Variants in TNRC6B observed in about 807,000 individuals in gnomAD.
The protein encoded by TNRC6B is trinucleotide repeat-containing gene 6B protein.
TNRC6B carries 52 observed loss-of-function variants against 203.6 expected under a neutral mutation model. The observed-to-expected ratio is 0.26, with a 90% CI of 0.20 to 0.32. The LOEUF is 0.32. TNRC6B is among the 10% of genes least tolerant of loss of function. The pLI is 1.00. For synonymous variants in TNRC6B, 838 were observed against 845.7 expected, an observed-to-expected ratio of 0.99 and a Z score of 0.16; for missense variants, 1,923 against 2,286.2, an observed-to-expected ratio of 0.84 and a Z score of 3.24.
At chr22:40,151,327 G>T (rs2068750902) in intron 3 of TNRC6B, among the ~76,000 whole-genome samples, 1 of 151,958 alleles carries the variant, frequency 6.6e-6, no homozygotes, top group African/African-American at 2.4e-5. Context: ...TCTTTGGGAG[G>T]CTGAGGCGGG....
intron 3 of TNRC6B, among the ~76,000 whole-genome samples, chr22:40,135,881 A>C (rs1224733744): frequency 2.6e-5 from 4 of 152,188 alleles, no homozygotes; most frequent in Non-Finnish European, 4.4e-5. Flanking sequence ...ACTGGTGTTG[A>C]TGTAGAGAGG....
At chr22:40,184,059 T>C (rs756794939) in intron 1 of TNRC6B, among the ~76,000 whole-genome samples, 3 of 152,222 alleles carry the variant, frequency 2.0e-5, no homozygotes, top group Admixed American at 6.5e-5. Flanking sequence ...ACAATGCTGT[T>C]GAATTAATAT....
chr22:40,167,334 A>G (rs554398924), intron 4 of TNRC6B, among the ~76,000 whole-genome samples: 1 of 152,290 alleles, frequency 6.6e-6, no homozygotes, highest in East Asian at 1.9e-4. Flanking sequence ...GGAAGGACAG[A>G]TACTATTAAT....
chr22:40,064,882 G>T (rs2067883109), intron 1 of TNRC6B, among the ~76,000 whole-genome samples: 2 of 152,042 alleles, frequency 1.3e-5, no homozygotes, highest in South Asian at 4.1e-4. Flanking sequence ...CTTCCAAAGT[G>T]CTGGGATTAC....
chr22:40,298,622 G>GT (rs1261382722), intron 12 of TNRC6B, among the ~76,000 whole-genome samples: 1 of 152,250 alleles, frequency 6.6e-6, no homozygotes, highest in Non-Finnish European at 1.5e-5. Flanking sequence ...GATCAGGAAA[G>GT]TAAGGGTCAG....
At chr22:40,046,857 G>A (rs1307519327) in intron 1 of TNRC6B, among the ~76,000 whole-genome samples, 3 of 152,010 alleles carry the variant, frequency 2.0e-5, no homozygotes, top group Non-Finnish European at 4.4e-5. Context: ...ATGTTAGCCA[G>A]GATGGTCTCG....
chr22:40,059,722 G>A (rs570318737), intron 1 of TNRC6B, among the ~76,000 whole-genome samples: 2 of 150,700 alleles, frequency 1.3e-5, no homozygotes, highest in East Asian at 1.9e-4. Context: ...TTCTTTTTTA[G>A]TCTGTTAACA....
intron 1 of TNRC6B, among the ~76,000 whole-genome samples, chr22:40,208,792 A>G (rs1299937064): frequency 1.3e-5 from 2 of 152,334 alleles, no homozygotes; most frequent in East Asian, 3.8e-4. Flanking sequence ...CACAAATGTC[A>G]TCTCCATCCA....
At position 40,261,872 on chromosome 22, in the gene TNRC6B, C is replaced by T. The variant is rs762451893; in HGVS notation, c.156C>T (p.Ala52=). ...AACCAAGTTTAAGCCAACCAACGGC[C>T]GCCAGCCCAATTGGCAGCTCTCCAT... ...VTKPSLSQPT[A]ASPIGSSPSP... The change falls in exon 4 of 23, where the codon GCC becomes GCT. Residue 52 remains alanine, a synonymous_variant. Transcript: ENST00000454349. 2.0e-5 allele frequency: 32 copies of T among 1,586,248 alleles called. No homozygotes were observed. Among genetic ancestry groups the T allele is most frequent in the Middle Eastern group, 1.7e-4 (1 of 6,000 alleles).
At position 40,262,012 on chromosome 22, in the gene TNRC6B, A is replaced by G; in HGVS notation, c.296A>G (p.Gln99Arg). 6.2e-7 allele frequency: 1 copy of G among 1,607,840 alleles called. No individual in the cohort carries two copies. ...REVPPRFRCQQDHKVLLKRGQ... is the reference protein window; with the variant it reads ...REVPPRFRCQRDHKVLLKRGQ... ...GTGCCGCCGCGATTCCGTTGCCAGC[A>G]GGACCACAAAGTGTTACTAAAACGT... is the stretch of plus-strand genomic sequence containing the variant. The change falls in exon 4 of 23, where the codon CAG becomes CGG. Residue 99 changes from glutamine (Q) to arginine (R), a missense_variant. Gln to Arg is a conservative substitution (Grantham distance 43). Transcript: ENST00000454349.
intron 22 of TNRC6B, 151 bp from the exon 23 acceptor site, chr22:40,322,703 A>G: frequency 1.2e-6 from 1 of 867,154 alleles, no homozygotes; most frequent in Non-Finnish European, 1.7e-6. Context: ...TCTTGGGTGG[A>G]GCTTGGACTT....
intron 12 of TNRC6B, among the ~76,000 whole-genome samples, chr22:40,295,343 G>A (rs567762922): frequency 3.9e-5 from 6 of 152,000 alleles, no homozygotes; most frequent in African/African-American, 4.8e-5. Context: ...GCGTGGTGGC[G>A]GGCACCCGTA....
At chr22:40,202,435 T>C (rs1390860932) in intron 1 of TNRC6B, among the ~76,000 whole-genome samples, 1 of 152,080 alleles carries the variant, frequency 6.6e-6, no homozygotes, top group Non-Finnish European at 1.5e-5. Flanking sequence ...AGTGGAGGAA[T>C]GTAAATAAAC....
chr22:40,125,981 C>A (rs1283207313), intron 3 of TNRC6B: 3 of 976,708 alleles, frequency 3.1e-6, no homozygotes, highest in Non-Finnish European at 4.4e-6. Flanking sequence ...TAAATTAGAA[C>A]CTAACATAAG....
chr22:40,064,011 G>C (rs534052312), intron 1 of TNRC6B, among the ~76,000 whole-genome samples: 2 of 152,174 alleles, frequency 1.3e-5, no homozygotes, highest in South Asian at 2.1e-4. Flanking sequence ...CCCAATGTTA[G>C]TTTACATATA....
intron 3 of TNRC6B, among the ~76,000 whole-genome samples, chr22:40,131,067 A>G (rs1328589540): frequency 3.3e-5 from 5 of 151,460 alleles, no homozygotes; most frequent in Admixed American, 2.6e-4. Flanking sequence ...CCACGCCCGG[A>G]TAATTTTTTG....
chr22:40,206,459 C>T (rs2069478838), intron 1 of TNRC6B, among the ~76,000 whole-genome samples: 1 of 144,990 alleles, frequency 6.9e-6, no homozygotes, highest in Admixed American at 7.6e-5. Flanking sequence ...ATAGACAGAG[C>T]TTTGTCATGT....
chr22:40,236,887 G>A (rs1229105789), intron 1 of TNRC6B, among the ~76,000 whole-genome samples: 5 of 152,136 alleles, frequency 3.3e-5, no homozygotes, highest in Admixed American at 1.3e-4. Context: ...TCTCTTGGCC[G>A]GGCATGGTGG....
intron 4 of TNRC6B, chr22:40,156,263 G>A: frequency 1.5e-6 from 2 of 1,363,790 alleles, no homozygotes; most frequent in Non-Finnish European, 2.0e-6. Flanking sequence ...AAGCGTGTTT[G>A]TCAGAGATGT....
Sources: allele counts gnomAD v4.1 joint callset (sites outside exome capture counted in the v4.1 genomes callset), GRCh38; gene constraint gnomAD v4.1.1; transcripts MANE v1.5; gene names NCBI Gene and HGNC (gene_info 2026-07-23, HGNC 2026-07-21).